Variants in KIF3C observed in about 807,000 individuals in gnomAD.
KIF3C encodes kinesin-like protein KIF3C.
KIF3C carries 12 observed loss-of-function variants against 67.7 expected under a neutral mutation model. The observed-to-expected ratio is 0.18, with a 90% CI of 0.11 to 0.29. The LOEUF is 0.29. KIF3C is among the 10% of genes least tolerant of loss of function. KIF3C has a pLI of 1.00. For missense variants in KIF3C, 789 were observed against 1,059.6 expected, an observed-to-expected ratio of 0.74 and a Z score of 3.55; for synonymous variants, 393 against 426.2, an observed-to-expected ratio of 0.92 and a Z score of 0.96.
At chr2:25,957,806 C>A (rs1481615909) in intron 1 of KIF3C, among the ~76,000 whole-genome samples, 1 of 152,214 alleles carries the variant, frequency 6.6e-6, no homozygotes, top group Admixed American at 6.5e-5. Flanking sequence ...GCCAGAGAGG[C>A]ACGAGCTTCA....
chr2:25,963,196 ATTTTTTTTT>A (rs1165957083), intron 1 of KIF3C, among the ~76,000 whole-genome samples: 5 of 43,294 alleles, frequency 1.2e-4, no homozygotes, highest in African/African-American at 4.1e-4. Flanking sequence ...ATATATATAT[ATTTTTTTTT>A]TTTTTTTTTT....
At chr2:25,932,873 CA>C (rs2090473874) in intron 5 of KIF3C, among the ~76,000 whole-genome samples, 1 of 149,880 alleles carries the variant, frequency 6.7e-6, no homozygotes, top group African/African-American at 2.5e-5. Context: ...CAAAACAAAA[CA>C]AAACAAAACT....
At chr2:25,974,006 TA>T (rs1664346590) in intron 1 of KIF3C, among the ~76,000 whole-genome samples, 1 of 152,232 alleles carries the variant, frequency 6.6e-6, no homozygotes, top group South Asian at 2.1e-4. Flanking sequence ...CAATAATAAT[TA>T]TTTACTTAAC....
chr2:25,930,170 G>T, intron 5 of KIF3C, 107 bp from the exon 6 acceptor site: 1 of 816,580 alleles, frequency 1.2e-6, no homozygotes, highest in Non-Finnish European at 2.0e-6. Flanking sequence ...CCTGCAGACT[G>T]CAAGTTCTGG....
At chr2:25,973,235 G>A (rs1300400238) in intron 1 of KIF3C, among the ~76,000 whole-genome samples, 1 of 152,052 alleles carries the variant, frequency 6.6e-6, no homozygotes, top group Non-Finnish European at 1.5e-5. Context: ...TGACTTTACT[G>A]GGGCATGATT....
At position 25,954,332 on chromosome 2, in the gene KIF3C, C is replaced by G; in HGVS notation, c.1824G>C (p.Glu608Asp). 1 of 1,614,154 alleles carries G rather than the reference C, an allele frequency of 6.2e-7. No homozygotes were observed. The highest frequency in any genetic ancestry group is 8.5e-7 in the Non-Finnish European group (1 of 1,180,026). The stretch of plus-strand genomic sequence containing the variant: ...CCAGGTCCTGCCGCACGCGGATATA[C>G]TCATCATGCTGGTCCTGGATCTCCG... ...VKAEIQDQHDEYIRVRQDLEE... is the reference protein window; with the variant it reads ...VKAEIQDQHDDYIRVRQDLEE... Residue 608 changes from glutamate (E) to aspartate (D), a missense_variant, in exon 4 of 8, where the codon GAG (glutamate) becomes GAC (aspartate). Transcript: ENST00000264712.
In KIF3C at chr2:25,927,446, C is replaced by T. The variant is rs2090420858; in HGVS notation, c.*1532G>A. On this transcript the variant is annotated 3_prime_UTR_variant, in exon 8 of 8. Transcript: ENST00000264712. ...CAAATGGCAAGTGGGTGGCTCAACC[C>T]TCTAGTCCAGTAATGAAGCAGAAAT... 2.6e-5 allele frequency: 4 copies of T among 152,222 alleles called. No individual in the cohort carries two copies. Among genetic ancestry groups the T allele is most frequent in the Admixed American group, 2.0e-4 (3 of 15,260 alleles). 9.4% of individuals were successfully genotyped at this position (152,222 alleles called of 1,614,324 possible).
At chr2:25,975,830 C>T (rs1056002418) in intron 1 of KIF3C, among the ~76,000 whole-genome samples, 4 of 151,794 alleles carry the variant, frequency 2.6e-5, no homozygotes, top group African/African-American at 7.3e-5. Context: ...TGGTGGTGGG[C>T]GCCTGTAGTC....
Position 25,981,591 on chromosome 2 carries a change from C to A in KIF3C, c.327G>T (p.Gly109=). The A allele has an allele frequency of 6.2e-7, 1 of 1,614,216 alleles. No individual in the cohort carries two copies. Among genetic ancestry groups the A allele is most frequent in the Non-Finnish European group, 8.5e-7 (1 of 1,180,046 alleles). ...CGCGCAGCTCGGGCTCCACCCAGGT[C>A]CCCTGCATGGTATAGGTCTTGCCAG... ...TGTGKTYTMQ[G]TWVEPELRGV... Residue 109 remains glycine (G), a synonymous_variant, in exon 1 of 8, where the codon GGG becomes GGT. Transcript: ENST00000264712. The surrounding 1 kb of genome is among the most constrained non-coding windows in gnomAD (Gnocchi z 8.2).
intron 4 of KIF3C, among the ~76,000 whole-genome samples, chr2:25,953,323 T>G (rs1054338545): frequency 2.0e-5 from 3 of 152,008 alleles, no homozygotes; most frequent in Non-Finnish European, 2.9e-5. Flanking sequence ...AACTACTATA[T>G]ACACACATTT....
chr2:25,952,644 A>C (rs2149232353), intron 4 of KIF3C, among the ~76,000 whole-genome samples: 1 of 149,804 alleles, frequency 6.7e-6, no homozygotes, highest in East Asian at 2.0e-4. Flanking sequence ...TGCAACCTCC[A>C]CCTCCTGGGT....
chr2:25,938,875 C>A (rs1239194058), intron 5 of KIF3C, among the ~76,000 whole-genome samples: 2 of 152,090 alleles, frequency 1.3e-5, no homozygotes, highest in Admixed American at 6.6e-5. Context: ...TAATTGGCTA[C>A]TATCATTTTT....
rs1553716009 is a variant in KIF3C, at chr2:25,963,164, A to ATGTGTGTATG, written c.1546-6721_1546-6720insCATACACACA. 9.6e-3 allele frequency among the ~76,000 whole-genome samples: 565 copies of ATGTGTGTATG among 59,030 alleles called. 28 individuals carry two copies. Among genetic ancestry groups the ATGTGTGTATG allele is most frequent in the African/African-American group, 0.042 (544 of 13,070 alleles). The allele number at this position is 59,030 out of a possible 152,430, so 38.7% of individuals were successfully genotyped here. ...TGCATATATGTGTGTGTGTGTATGT[A>ATGTGTGTATG]TGTGTGTGTGTATATATATATATAT... On this transcript the variant is annotated intron_variant, in intron 1 of 7. Transcript: ENST00000264712.
At chr2:25,960,127 G>C (rs1663908255) in intron 1 of KIF3C, among the ~76,000 whole-genome samples, 1 of 152,204 alleles carries the variant, frequency 6.6e-6, no homozygotes. Context: ...TCCAGAGCCA[G>C]GTGTGGTGGC....
At position 25,982,428 on chromosome 2, in the gene KIF3C, C is replaced by G. The variant is rs1264908299; in HGVS notation, c.-511G>C. 2.5e-6 allele frequency: 1 copy of G among 398,596 alleles called. No individual in the cohort carries two copies. Among genetic ancestry groups the G allele is most frequent in the African/African-American group, 2.1e-5 (1 of 48,648 alleles). The allele number at this position is 398,596 out of a possible 1,614,324, so 24.7% of individuals were successfully genotyped here. ...CAAGCTGGGGGATCATTCATTGCAGCCAGCGCGGCTGCTGCTGCCTCTGCC... is the reference window on the plus strand; with the variant it reads ...CAAGCTGGGGGATCATTCATTGCAGGCAGCGCGGCTGCTGCTGCCTCTGCC... On this transcript the variant is annotated 5_prime_UTR_variant, in exon 1 of 8. Transcript: ENST00000264712.
In KIF3C at chr2:25,929,422, A is replaced by G. The variant is rs145531063; in HGVS notation, c.2171T>C (p.Met724Thr). 12 of 1,613,920 alleles carry G rather than the reference A, an allele frequency of 7.4e-6. No individual in the cohort carries two copies. Among genetic ancestry groups the G allele is most frequent in the African/African-American group, 5.3e-5 (4 of 74,894 alleles). The change falls in exon 7 of 8, where the codon ATG (methionine) becomes ACG (threonine). Residue 724 changes from methionine to threonine, a missense_variant. Coordinates refer to ENST00000264712, the MANE Select transcript of KIF3C (RefSeq NM_002254.8). Reference sequence around the variant, plus strand: ...TTGTTCTTGGTCGTGAGAGAATTCCATCTCAAAGACAGCTGGAGGGGACAC... The same window carrying G: ...TTGTTCTTGGTCGTGAGAGAATTCCGTCTCAAAGACAGCTGGAGGGGACAC... Reference protein sequence around the residue: ...LDVSPPAVFEMEFSHDQEQDP... With the variant: ...LDVSPPAVFETEFSHDQEQDP...
In KIF3C at chr2:25,980,925, C is replaced by T. The variant is rs1368816019; in HGVS notation, c.993G>A (p.Gly331=). Residue 331 remains glycine (G), a synonymous_variant, in exon 1 of 8, where the codon GGG becomes GGA. Transcript: ENST00000264712. This position sits in a 1 kb window ranked among gnomAD's most constrained non-coding sequence, Gnocchi z 7.6. ...CTACCATGATGGTCTTGGCATTCCC[C>T]CCCAGGGAGTCCTGGAGCAGCCGGG... ...KLTRLLQDSL[G]GNAKTIMVAT... is the part of the protein sequence containing the mutation. The T allele has an allele frequency of 1.9e-6, 3 of 1,614,108 alleles. No homozygotes were observed. The highest frequency in any genetic ancestry group is 1.3e-5 in the African/African-American group (1 of 74,950).
intron 5 of KIF3C, among the ~76,000 whole-genome samples, chr2:25,936,234 T>TCTCG (rs1391628197): frequency 6.6e-6 from 1 of 152,100 alleles, no homozygotes; most frequent in Non-Finnish European, 1.5e-5. Context: ...AGAGATGGGG[T>TCTCG]CTCGCTATGT....
At position 25,982,161 on chromosome 2, in the gene KIF3C, G is replaced by A. The variant is rs1226830111; in HGVS notation, c.-244C>T. 4.6e-6 allele frequency: 2 copies of A among 439,088 alleles called. No homozygotes were observed. Among genetic ancestry groups the A allele is most frequent in the Non-Finnish European group, 8.0e-6 (2 of 249,876 alleles). 27.2% of individuals were successfully genotyped at this position (439,088 alleles called of 1,614,324 possible). ...GTGAATTAGGCAGAATCCCCCAGTC[G>A]CCGCGGGAGCAGCGCCTGCCGAGCA... On this transcript the variant is annotated 5_prime_UTR_variant, in exon 1 of 8. The change creates a premature stop within an existing upstream ORF in the 5' untranslated region. Coordinates refer to ENST00000264712, the MANE Select transcript of KIF3C (RefSeq NM_002254.8).
Sources: allele counts gnomAD v4.1 joint callset (sites outside exome capture counted in the v4.1 genomes callset), GRCh38; gene constraint gnomAD v4.1.1; non-coding constraint Gnocchi (gnomAD v3.1); transcripts MANE v1.5; gene names NCBI Gene and HGNC (gene_info 2026-07-23, HGNC 2026-07-21).